PDCD6: variants seen among roughly 807,000 people sequenced by gnomAD.
PDCD6 encodes programmed cell death 6, also known as programmed cell death protein 6.
In PDCD6, 12 loss-of-function variants were observed where a neutral mutation model predicts 28.3. That is an observed-to-expected ratio of 0.42 (90% CI 0.27 to 0.69). PDCD6 has a LOEUF of 0.69. Among genes scored for constraint, PDCD6 ranks in the 30% least tolerant of loss-of-function variants. The probability of loss-of-function intolerance (pLI) is 0.22; values close to 1 mark genes in which losing one functional copy is unlikely to be tolerated. For synonymous variants in PDCD6, 92 were observed against 108.0 expected (o/e 0.85, Z 0.92); for missense variants, 226 against 269.9 (o/e 0.84, Z 1.14).
rs776056423 is a variant in PDCD6, at chr5:271,779, C to T, written c.59C>T (p.Ala20Val). The change falls in exon 1 of 6, where the codon GCG becomes GTG. Residue 20 changes from alanine (A) to valine (V), a missense_variant. By Grantham distance (64) the Ala-to-Val change is moderately conservative. Coordinates refer to ENST00000264933, the MANE Select transcript of PDCD6 (RefSeq NM_013232.4). ...PGAGPGPAAG[A>V]ALPDQSFLWN... Reference sequence around the variant, plus strand: ...GCCGGCCCTGGGCCTGCTGCAGGCGCGGCGCTGCCGGACCAGAGCTTCCTG... The same window carrying T: ...GCCGGCCCTGGGCCTGCTGCAGGCGTGGCGCTGCCGGACCAGAGCTTCCTG... 3 of 1,484,060 alleles carry T rather than the reference C, an allele frequency of 2.0e-6. No homozygotes were observed. Among genetic ancestry groups the T allele is most frequent in the East Asian group, 2.7e-5 (1 of 37,202 alleles). The allele number at this position is 1,484,060 out of a possible 1,614,324, so 91.9% of individuals were successfully genotyped here.
intron 2 of PDCD6, among the ~76,000 whole-genome samples, chr5:298,257 C>CT (rs1452294380): frequency 2.0e-5 from 3 of 152,122 alleles, no homozygotes; most frequent in African/African-American, 7.2e-5. Flanking sequence ...TCCTCTTGGG[C>CT]TTTGAAGATC....
chr5:310,436 G>A (rs1740833397), intron 4 of PDCD6: 1 of 152,310 alleles, frequency 6.6e-6, no homozygotes, highest in African/African-American at 2.4e-5. Flanking sequence ...GATTCCAGCA[G>A]GACTGAAAAC....
In PDCD6 at chr5:293,384, T is replaced by C. The variant is rs371540119; in HGVS notation, c.164-10793T>C. 3.6e-4 allele frequency among the ~76,000 whole-genome samples: 21 copies of C among 58,618 alleles called. 1 individual carries two copies. The highest frequency in any genetic ancestry group is 1.2e-3 in the South Asian group (2 of 1,664). The allele number at this position is 58,618 out of a possible 152,430, so 38.5% of individuals were successfully genotyped here. A position where few individuals can be genotyped will look rare whatever the true frequency, so the allele number is the denominator to read the frequency against. On this transcript the variant is annotated intron_variant, in intron 2 of 5. Coordinates refer to ENST00000264933, the MANE Select transcript of PDCD6 (RefSeq NM_013232.4). ...CAAACGCCTGCGATAATGTCAGAGA[T>C]GGAGAAAGGTATGACAGGAAGAGCA...
intron 2 of PDCD6, among the ~76,000 whole-genome samples, chr5:301,772 GTGGAGTGCTGCTCTGTGTGTATGCC>G (rs1740070861): frequency 1.4e-5 from 2 of 141,268 alleles, no homozygotes; most frequent in East Asian, 4.4e-4. Context: ...AGGGTGGGTC[GTGGAGTGCTGCTCTGTGTGTATGCC>G]TCGGGTTCAG....
intron 2 of PDCD6, among the ~76,000 whole-genome samples, chr5:297,017 C>T (rs1414594781): frequency 6.6e-6 from 1 of 152,244 alleles, no homozygotes; most frequent in Non-Finnish European, 1.5e-5. Context: ...TGCATCCGCA[C>T]AAGTGCCTCA....
rs12652995 is a variant in PDCD6, at chr5:300,833, C to T, written c.164-3344C>T. Among the ~76,000 whole-genome samples, 11 of 152,176 alleles carry T rather than the reference C, an allele frequency of 7.2e-5. No homozygotes were observed. In the East Asian group the frequency reaches 1.7e-3, roughly 24 times the overall value. On this transcript the variant is annotated intron_variant, in intron 2 of 5. Transcript: ENST00000264933. ...TGCCTCTCTCATCCTTGATTAATCC[C>T]GGGACAACCTCTGCTCTCCTGGGCA...
intron 1 of PDCD6, 39 bp downstream of exon 1, chr5:271,860 C>G: frequency 8.4e-7 from 1 of 1,195,190 alleles, no homozygotes; most frequent in Non-Finnish European, 1.1e-6. Flanking sequence ...CCGCCTCCGC[C>G]GCGGCGGCCC....
At chr5:285,566 A>C (rs535196164) in intron 2 of PDCD6, among the ~76,000 whole-genome samples, 1 of 131,048 alleles carries the variant, frequency 7.6e-6, no homozygotes, top group African/African-American at 3.0e-5. Context: ...GAGACCCGGC[A>C]GGGAGCTGAT....
chr5:312,690 G>A (rs566325870), intron 5 of PDCD6, among the ~76,000 whole-genome samples: 2 of 152,100 alleles, frequency 1.3e-5, no homozygotes, highest in Non-Finnish European at 2.9e-5. Context: ...CATGCCTGTA[G>A]TCCCAGCTAC....
At chr5:280,461 A>AT (rs1738494653) in intron 2 of PDCD6, among the ~76,000 whole-genome samples, 1 of 144,838 alleles carries the variant, frequency 6.9e-6, no homozygotes, top group African/African-American at 2.6e-5. Flanking sequence ...TGGTGCTGGA[A>AT]TTTAAGAGGG....
At chr5:291,440 G>C (rs2864974) in intron 2 of PDCD6, among the ~76,000 whole-genome samples, 760 of 89,158 alleles carry the variant, frequency 8.5e-3, no homozygotes, top group Middle Eastern at 0.058. Flanking sequence ...TCCATTCTCT[G>C]CCTGAGACCC....
At chr5:304,071 T>G in intron 2 of PDCD6, 106 bp from the exon 3 acceptor site, 1 of 1,437,454 alleles carries the variant, frequency 7.0e-7, no homozygotes, top group East Asian at 2.3e-5. Context: ...AACCACTACC[T>G]TAGAGCCCCC....
chr5:296,680 G>GGGCTGC (rs1739633387), intron 2 of PDCD6, among the ~76,000 whole-genome samples: 1 of 152,228 alleles, frequency 6.6e-6, no homozygotes, highest in Middle Eastern at 3.2e-3. Context: ...GAATTCAGTG[G>GGGCTGC]ATAATTGCAG....
Position 271,833 on chromosome 5 carries a change from C to T in PDCD6, c.101+12C>T. The T allele has an allele frequency of 7.2e-7, 1 of 1,379,444 alleles. No homozygotes were observed. The highest frequency in any genetic ancestry group is 1.6e-5 in the South Asian group (1 of 62,796). 85.5% of individuals were successfully genotyped at this position (1,379,444 alleles called of 1,614,324 possible). On this transcript the variant is annotated intron_variant, in intron 1 of 5. Transcript: ENST00000264933. The stretch of plus-strand genomic sequence containing the variant: ...AACGTTTTCCAGAGGTGCGGCCTGG[C>T]ACCGCCCGGGCACCTCCCGCCTCCG...
chr5:290,323 G>C, intron 2 of PDCD6: 1 of 1,254,006 alleles, frequency 8.0e-7, no homozygotes, highest in South Asian at 1.2e-5. Flanking sequence ...AACGTCCATG[G>C]CTTCCTGGAG....
intron 2 of PDCD6, among the ~76,000 whole-genome samples, chr5:288,519 A>C (rs541733116): frequency 6.8e-4 from 103 of 151,740 alleles, no homozygotes; most frequent in Non-Finnish European, 4.7e-4. Context: ...AACTTTTCAA[A>C]ATTATGATTA....
At chr5:279,771 T>G (rs1450998253) in intron 2 of PDCD6, among the ~76,000 whole-genome samples, 11 of 84,882 alleles carry the variant, frequency 1.3e-4, no homozygotes, top group African/African-American at 5.1e-4. Context: ...CAGCAGTCAT[T>G]AAAAGTAATG....
At chr5:299,795 C>T (rs187540422) in intron 2 of PDCD6, among the ~76,000 whole-genome samples, 1,863 of 152,240 alleles carry the variant, frequency 0.012, 28 homozygotes, top group African/African-American at 0.034. Context: ...GTGATCCGCC[C>T]GCCTTGGCCT....
intron 2 of PDCD6, among the ~76,000 whole-genome samples, chr5:281,478 G>A (rs570955662): frequency 4.6e-5 from 7 of 152,350 alleles, no homozygotes; most frequent in Admixed American, 6.5e-5. Flanking sequence ...GAAGGAGCTG[G>A]TTTGGCTGTT....
Sources: gnomAD v4.1 joint callset for allele counts (sites outside exome capture counted in the v4.1 genomes callset) on GRCh38, gnomAD v4.1.1 for gene constraint, MANE v1.5 for transcripts, NCBI Gene and HGNC (gene_info 2026-07-23, HGNC 2026-07-21) for gene names.